The following AHI1 variants were observed in gnomAD, a reference collection of about 807,000 sequenced individuals.
AHI1 encodes the protein Abelson helper integration site 1.
A neutral mutation model predicts 149.3 loss-of-function variants in AHI1; 123 were observed. That is an observed-to-expected ratio of 0.82 (90% CI 0.71 to 0.96). The LOEUF is 0.96. Ranked by LOEUF, AHI1 falls within the 40% of genes least tolerant of loss-of-function variation. AHI1 has a pLI of 0.00. For missense variants in AHI1, 1,439 were observed against 1,422.7 expected, an observed-to-expected ratio of 1.01 and a Z score of -0.18; for synonymous variants, 475 against 459.8, an observed-to-expected ratio of 1.03 and a Z score of -0.42.
intron 5 of AHI1, among the ~76,000 whole-genome samples, chr6:135,468,725 A>G (rs78205898): frequency 6.6e-6 from 1 of 152,222 alleles, no homozygotes; most frequent in African/African-American, 2.4e-5. Flanking sequence ...AAACAACTCT[A>G]TGCAAATAAA....
rs551262408 is a variant in AHI1, at chr6:135,396,115, T to C, written c.2989-1219A>G. Among the ~76,000 whole-genome samples the C allele has an allele frequency of 6.6e-5, 10 of 151,946 alleles. No homozygotes were observed. The South Asian group carries it at 1.5e-3, about 22-fold the overall frequency. On this transcript the variant is annotated intron_variant, in intron 22 of 28. Transcript: ENST00000265602. ...TCAGTGAAAAAGTCAATTAAGACCA[T>C]ATGTTAATATGGTTTTAAAGTAACT...
At chr6:135,445,465 A>C (rs901924100) in intron 13 of AHI1, among the ~76,000 whole-genome samples, 1 of 152,236 alleles carries the variant, frequency 6.6e-6, no homozygotes, top group African/African-American at 2.4e-5. Context: ...TATCTCTATC[A>C]AAGTGTGATT....
At chr6:135,395,821 G>A (rs768255772) in intron 22 of AHI1, among the ~76,000 whole-genome samples, 3 of 151,000 alleles carry the variant, frequency 2.0e-5, no homozygotes, top group Non-Finnish European at 4.4e-5. Flanking sequence ...GATAATTTAT[G>A]GCATATAAAT....
chr6:135,326,599 T>A (rs1787726697), intron 24 of AHI1, among the ~76,000 whole-genome samples: 1 of 151,960 alleles, frequency 6.6e-6, no homozygotes, highest in Admixed American at 6.6e-5. Context: ...CTTGCTCTCT[T>A]GCCCAGGCTG....
chr6:135,452,597 CCA>C (rs1303393328), intron 11 of AHI1, among the ~76,000 whole-genome samples: 5 of 152,114 alleles, frequency 3.3e-5, no homozygotes, highest in African/African-American at 1.2e-4. Context: ...GTTTAAAATC[CCA>C]CAGTGGCTTC....
rs114995166 is a variant in AHI1 at position 135,483,428 on chromosome 6, A to T, written c.135+7195T>A. On this transcript the variant is annotated intron_variant, in intron 5 of 28. Transcript: ENST00000265602. ...AAAAGTTTGAGAGAATGTAATTCAT[A>T]AGATGAAGAAGCTATCACTTCTACA... is the stretch of plus-strand genomic sequence containing the variant. Among the ~76,000 whole-genome samples, 1,386 of 152,330 alleles carry T rather than the reference A, an allele frequency of 9.1e-3. 29 individuals carry two copies. The highest frequency in any genetic ancestry group is 0.032 in the African/African-American group (1,319 of 41,566).
intron 26 of AHI1, among the ~76,000 whole-genome samples, chr6:135,306,319 C>A (rs1304958244): frequency 6.6e-6 from 1 of 152,180 alleles, no homozygotes; most frequent in Non-Finnish European, 1.5e-5. Context: ...AAAGCAGTTC[C>A]TTCTCTGATA....
Position 135,427,048 on chromosome 6 carries a change from A to AT in AHI1, c.2764+118dup. The AT allele has an allele frequency of 5.1e-6, 5 of 986,580 alleles. No individual in the cohort carries two copies. In the East Asian group the frequency reaches 1.4e-4, roughly 28 times the overall value. The allele number at this position is 986,580 out of a possible 1,614,324, so 61.1% of individuals were successfully genotyped here. Reference sequence around the variant, plus strand: ...GTGGCTAGCTTTCTGTGATTCCAACATAAGGGCACAATTATTATGTGTACT... The same window carrying AT: ...GTGGCTAGCTTTCTGTGATTCCAACATTAAGGGCACAATTATTATGTGTACT... On this transcript the variant is annotated intron_variant, in intron 20 of 28. Coordinates refer to ENST00000265602, the MANE Select transcript of AHI1 (RefSeq NM_001134831.2).
Position 135,438,393 on chromosome 6 carries a change from G to A in AHI1, c.2018C>T (p.Ser673Leu). The A allele has an allele frequency of 6.3e-7, 1 of 1,576,902 alleles. No homozygotes were observed. Among genetic ancestry groups the A allele is most frequent in the South Asian group, 1.2e-5 (1 of 84,510 alleles). The change falls in exon 15 of 29, where the codon TCA becomes TTA. Residue 673 changes from serine to leucine, a missense_variant. Coordinates refer to ENST00000265602, the MANE Select transcript of AHI1 (RefSeq NM_001134831.2). ...SKDDHYILTS[S>L]SDGTARIWKN... is the part of the protein sequence containing the mutation. ...TACTAACCTGGCAGTGCCATCAGAT[G>A]ATGAAGTAAGGATGTAGTGATCATC...
At chr6:135,295,191 G>A (rs1354481669) in intron 27 of AHI1, among the ~76,000 whole-genome samples, 1 of 152,190 alleles carries the variant, frequency 6.6e-6, no homozygotes, top group Non-Finnish European at 1.5e-5. Context: ...ATTAGTTGTT[G>A]GGGATATGCA....
At chr6:135,290,706 T>C (rs1283978477) in intron 27 of AHI1, among the ~76,000 whole-genome samples, 181 bp from the exon 28 acceptor site, 2 of 152,128 alleles carry the variant, frequency 1.3e-5, no homozygotes, top group Admixed American at 1.3e-4. Flanking sequence ...AGACAAGGAA[T>C]TGCTTAAAAT....
intron 26 of AHI1, chr6:135,300,805 A>G: frequency 1.6e-5 from 17 of 1,087,756 alleles, no homozygotes; most frequent in Non-Finnish European, 1.9e-5. Context: ...GTCAGCTTTC[A>G]GGTATGTGAC....
rs1199743450 is a variant in AHI1 at position 135,471,993 on chromosome 6, T to TGG, written c.136-4361_136-4360dup. On this transcript the variant is annotated intron_variant, in intron 5 of 28. Transcript: ENST00000265602. ...CGCCACTGCAGTCCGCAGTCCGGCC[T>TGG]GGGCGACAGAGCGAGACTCCGTCTC... is the stretch of plus-strand genomic sequence containing the variant. Among the ~76,000 whole-genome samples the TGG allele has an allele frequency of 4.6e-5, 5 of 108,084 alleles. No individual in the cohort carries two copies. The East Asian group carries it at 1.7e-3, about 36-fold the overall frequency. The allele number at this position is 108,084 out of a possible 152,430, so 70.9% of individuals were successfully genotyped here. A position where few individuals can be genotyped will look rare whatever the true frequency, so the allele number is the denominator to read the frequency against.
chr6:135,472,395 A>G (rs1791892012), intron 5 of AHI1, among the ~76,000 whole-genome samples: 1 of 152,152 alleles, frequency 6.6e-6, no homozygotes, highest in Admixed American at 6.5e-5. Context: ...GTAGTATTCC[A>G]TTGTACAGTT....
chr6:135,336,251 C>T (rs1789370467), intron 24 of AHI1, among the ~76,000 whole-genome samples: 2 of 151,684 alleles, frequency 1.3e-5, no homozygotes, highest in African/African-American at 4.8e-5. Flanking sequence ...CTATTGCCTT[C>T]TTACATTATA....
At chr6:135,387,892 G>C in intron 23 of AHI1, 1 of 1,570,418 alleles carries the variant, frequency 6.4e-7, no homozygotes, top group South Asian at 1.2e-5. Flanking sequence ...ACATTTATCC[G>C]AAGAGAGAAA....
chr6:135,357,143 T>C (rs1793105718), intron 24 of AHI1, among the ~76,000 whole-genome samples: 1 of 152,212 alleles, frequency 6.6e-6, no homozygotes, highest in Non-Finnish European at 1.5e-5. Context: ...TTCACCATGT[T>C]GGCCAGGATG....
At chr6:135,464,878 G>A (rs1790493586) in intron 7 of AHI1, among the ~76,000 whole-genome samples, 1 of 152,192 alleles carries the variant, frequency 6.6e-6, no homozygotes, top group Admixed American at 6.5e-5. Flanking sequence ...GATTGACAGA[G>A]ACACCCAGTG....
At chr6:135,432,378 A>G (rs774450565) in intron 16 of AHI1, among the ~76,000 whole-genome samples, 2 of 152,074 alleles carry the variant, frequency 1.3e-5, no homozygotes, top group Admixed American at 6.5e-5. Context: ...TTTGAGATGG[A>G]GTCTCACTCT....
Sources: gnomAD v4.1 joint callset for allele counts (sites outside exome capture counted in the v4.1 genomes callset) on GRCh38, gnomAD v4.1.1 for gene constraint, MANE v1.5 for transcripts, NCBI Gene and HGNC (gene_info 2026-07-23, HGNC 2026-07-21) for gene names.